The following PLEKHD1 variants were observed in gnomAD, a reference collection of about 807,000 sequenced individuals.
The protein encoded by PLEKHD1 is pleckstrin homology domain-containing family D member 1.
A neutral mutation model predicts 69.2 loss-of-function variants in PLEKHD1; 51 were observed. That is an observed-to-expected ratio of 0.74 (90% CI 0.59 to 0.93). The LOEUF (loss-of-function observed/expected upper bound fraction) is 0.93, where lower values mean the gene tolerates loss of function less well. Among genes scored for constraint, PLEKHD1 ranks in the 40% least tolerant of loss-of-function variants. The probability of loss-of-function intolerance (pLI) is 0.00; values close to 1 mark genes in which losing one functional copy is unlikely to be tolerated. For synonymous variants in PLEKHD1, 236 were observed against 244.7 expected (o/e 0.96, Z 0.33); for missense variants, 584 against 641.0 (o/e 0.91, Z 0.96).
intron 6 of PLEKHD1, among the ~76,000 whole-genome samples, chr14:69,520,891 A>G (rs892987417): frequency 6.6e-6 from 1 of 152,142 alleles, no homozygotes; most frequent in Admixed American, 6.5e-5. Context: ...CTCTCATTCC[A>G]TTGGCTTTAG....
intron 6 of PLEKHD1, among the ~76,000 whole-genome samples, chr14:69,508,788 A>C (rs1883208184): frequency 1.3e-5 from 2 of 152,190 alleles, no homozygotes; most frequent in African/African-American, 4.8e-5. Flanking sequence ...TTATCGGGTA[A>C]TTGTCAGTTG....
intron 6 of PLEKHD1, among the ~76,000 whole-genome samples, chr14:69,510,397 G>A (rs951641262): frequency 1.3e-5 from 2 of 151,870 alleles, no homozygotes; most frequent in Admixed American, 6.6e-5. Flanking sequence ...TATAGATTTT[G>A]TACATTATTT....
chr14:69,494,156 C>T (rs748508687), intron 1 of PLEKHD1, among the ~76,000 whole-genome samples: 4 of 152,210 alleles, frequency 2.6e-5, no homozygotes, highest in African/African-American at 4.8e-5. Context: ...TAAATATTTA[C>T]CACCATGTTC....
chr14:69,488,368 CAG>C (rs925687248), intron 1 of PLEKHD1, among the ~76,000 whole-genome samples: 7 of 152,184 alleles, frequency 4.6e-5, no homozygotes, highest in Admixed American at 1.3e-4. Flanking sequence ...TTTCCCAGAG[CAG>C]AGAGAAGAGC....
chr14:69,520,677 C>T (rs1325765910), intron 6 of PLEKHD1, among the ~76,000 whole-genome samples: 2 of 151,386 alleles, frequency 1.3e-5, no homozygotes, highest in African/African-American at 2.4e-5. Context: ...TGCAGTGAGC[C>T]GAGATTGTGT....
At chr14:69,472,223 G>A in the PLEKHD1 span, among the ~76,000 whole-genome samples, 1 of 152,060 alleles carries the variant, frequency 6.6e-6, no homozygotes, top group Non-Finnish European at 1.5e-5. Flanking sequence ...GCAACCCAGG[G>A]AATCAAACAC....
chr14:69,471,248 G>A, the PLEKHD1 span, among the ~76,000 whole-genome samples: 6 of 151,600 alleles, frequency 4.0e-5, no homozygotes, highest in African/African-American at 1.5e-4. Flanking sequence ...TGGGACCACA[G>A]GCACACACCA....
chr14:69,480,645 T>C (rs1213200177), upstream of PLEKHD1, among the ~76,000 whole-genome samples: 19 of 149,108 alleles, frequency 1.3e-4, no homozygotes, highest in Admixed American at 8.7e-4. Context: ...TACCCTTGTG[T>C]ATAAGATTTT....
At chr14:69,501,679 T>A in intron 4 of PLEKHD1, 55 bp from the exon 5 acceptor site, 1 of 1,356,502 alleles carries the variant, frequency 7.4e-7, no homozygotes, top group South Asian at 1.3e-5. Context: ...TCTGTTTTAA[T>A]GATTTTCTGT....
At position 69,527,781 on chromosome 14, in the gene PLEKHD1, A is replaced by G; in HGVS notation, c.1202-2A>G. The G allele has an allele frequency of 6.4e-7, 1 of 1,551,480 alleles. No homozygotes were observed. Among genetic ancestry groups the G allele is most frequent in the South Asian group, 1.2e-5 (1 of 84,060 alleles). On this transcript the variant is annotated splice_acceptor_variant, in intron 11 of 12. Coordinates refer to ENST00000322564, the MANE Select transcript of PLEKHD1 (RefSeq NM_001161498.2). LOFTEE classifies it high-confidence loss of function. ...CCACCCTTCCTGGCCCTGCCGCCAC[A>G]GGGTTCTTTGAGGAGTGCATCCGGA...
intron 1 of PLEKHD1, 53 bp from the exon 2 acceptor site, chr14:69,500,061 GA>G: frequency 7.6e-7 from 1 of 1,323,808 alleles, no homozygotes; most frequent in Non-Finnish European, 1.1e-6. Flanking sequence ...GTTGTCCCAA[GA>G]AACCTCACCC....
At chr14:69,489,928 G>C (rs958352787) in intron 1 of PLEKHD1, among the ~76,000 whole-genome samples, 1 of 152,130 alleles carries the variant, frequency 6.6e-6, no homozygotes, top group African/African-American at 2.4e-5. Context: ...GTACAGTGTC[G>C]TGATCTTGGC....
At chr14:69,479,875 A>G (rs911249744), upstream of PLEKHD1, among the ~76,000 whole-genome samples, 1 of 152,072 alleles carries the variant, frequency 6.6e-6, no homozygotes, top group South Asian at 2.1e-4. Context: ...CACACAGACT[A>G]TTTTATAGAG....
In PLEKHD1 at chr14:69,485,132, C is replaced by A. The variant is rs1256776955; in HGVS notation, c.149+18C>A. 2 of 1,544,652 alleles carry A rather than the reference C, an allele frequency of 1.3e-6. No individual in the cohort carries two copies. The highest frequency in any genetic ancestry group is 2.5e-5 in the East Asian group (1 of 40,788). On this transcript the variant is annotated intron_variant, in intron 1 of 12. Coordinates refer to ENST00000322564, the MANE Select transcript of PLEKHD1 (RefSeq NM_001161498.2). ...TCCCGGCGGTGAGTGCGCCCCCGCG[C>A]CCCAAGGAGACCGCCGGGGAGAGAG... is the stretch of plus-strand genomic sequence containing the variant.
chr14:69,527,856 C>T lies in PLEKHD1; in HGVS notation c.1275C>T (p.Tyr425=), dbSNP rs904310859. The change falls in exon 12 of 13, where the codon TAC becomes TAT. Residue 425 remains tyrosine, a synonymous_variant. Coordinates refer to ENST00000322564, the MANE Select transcript of PLEKHD1 (RefSeq NM_001161498.2). ...KMPVIMKNSV[Y]IHKAATRRIK... is the part of the protein sequence containing the mutation. ...CTGTGATCATGAAGAACTCCGTGTACATCCATAAGGCAGCCACTCGCCGCA... is the reference window on the plus strand; with the variant it reads ...CTGTGATCATGAAGAACTCCGTGTATATCCATAAGGCAGCCACTCGCCGCA... 1.3e-6 allele frequency: 2 copies of T among 1,551,490 alleles called. No homozygotes were observed. The highest frequency in any genetic ancestry group is 8.7e-7 in the Non-Finnish European group (1 of 1,147,008).
intron 10 of PLEKHD1, 41 bp from the exon 11 acceptor site, chr14:69,527,147 A>G: frequency 1.3e-6 from 2 of 1,497,028 alleles, no homozygotes; most frequent in Non-Finnish European, 1.8e-6. Context: ...AGCTACTTCC[A>G]GGACCTGACT....
At chr14:69,505,708 AT>A (rs1883137385) in intron 6 of PLEKHD1, among the ~76,000 whole-genome samples, 2 of 152,108 alleles carry the variant, frequency 1.3e-5, no homozygotes, top group African/African-American at 4.8e-5. Flanking sequence ...CGGGGAAGGG[AT>A]TTGTGAACTG....
intron 6 of PLEKHD1, among the ~76,000 whole-genome samples, chr14:69,505,645 T>G (rs986773541): frequency 2.6e-5 from 4 of 152,236 alleles, no homozygotes; most frequent in Non-Finnish European, 5.9e-5. Context: ...ATTAGAGTTA[T>G]GCTGGCTGCT....
chr14:69,512,976 G>T (rs796775698), intron 6 of PLEKHD1, among the ~76,000 whole-genome samples: 1 of 151,980 alleles, frequency 6.6e-6, no homozygotes, highest in Non-Finnish European at 1.5e-5. Context: ...TGTAGTCCTC[G>T]CCACTCAGGA....
Sources: allele counts gnomAD v4.1 joint callset (sites outside exome capture counted in the v4.1 genomes callset), GRCh38; gene constraint gnomAD v4.1.1; transcripts MANE v1.5; gene names NCBI Gene and HGNC (gene_info 2026-07-23, HGNC 2026-07-21).